Variants in FER observed in about 807,000 individuals in gnomAD.
The protein encoded by FER is FER tyrosine kinase, also known as tyrosine-protein kinase Fer.
Under a neutral mutation model 111.0 loss-of-function variants are expected in FER, and 63 were observed. The ratio of observed to expected loss-of-function variants is 0.57; its 90% confidence interval spans 0.46 to 0.70. The LOEUF is 0.70. Ranked by LOEUF, FER falls within the 30% of genes least tolerant of loss-of-function variation. FER has a pLI of 0.00. For synonymous variants in FER, 327 were observed against 313.9 expected (o/e 1.04, Z -0.44); for missense variants, 914 against 954.0 (o/e 0.96, Z 0.55).
At chr5:109,071,895 G>C (rs1561858180) in intron 16 of FER, among the ~76,000 whole-genome samples, 1 of 151,212 alleles carries the variant, frequency 6.6e-6, no homozygotes, top group Non-Finnish European at 1.5e-5. Flanking sequence ...TGTTTATATA[G>C]TTCTATCGTC....
chr5:108,965,137 G>T (rs925289159), intron 13 of FER, among the ~76,000 whole-genome samples: 3 of 152,104 alleles, frequency 2.0e-5, no homozygotes, highest in African/African-American at 7.2e-5. Context: ...GGTCTATTGA[G>T]AGTGAAGAGC....
At chr5:109,063,646 G>A (rs746454572) in intron 16 of FER, among the ~76,000 whole-genome samples, 2 of 152,072 alleles carry the variant, frequency 1.3e-5, no homozygotes, top group African/African-American at 4.8e-5. Flanking sequence ...AGTAATTCTC[G>A]AATTAATATT....
At chr5:108,771,658 A>C (rs1170521681) in intron 2 of FER, among the ~76,000 whole-genome samples, 1 of 152,224 alleles carries the variant, frequency 6.6e-6, no homozygotes, top group Non-Finnish European at 1.5e-5. Flanking sequence ...TATATAGGAC[A>C]ATGAACACCT....
At chr5:108,753,501 T>G (rs1750728663) in intron 1 of FER, among the ~76,000 whole-genome samples, 1 of 152,208 alleles carries the variant, frequency 6.6e-6, no homozygotes, top group Non-Finnish European at 1.5e-5. Flanking sequence ...TAGATGATCA[T>G]GTGTTTTTGG....
At chr5:108,770,028 A>G (rs1580437145) in intron 2 of FER, among the ~76,000 whole-genome samples, 2 of 152,232 alleles carry the variant, frequency 1.3e-5, no homozygotes, top group Admixed American at 1.3e-4. Context: ...GATTCACCAC[A>G]ACCTCCACCT....
rs188808793 is a variant in FER at position 108,833,797 on chromosome 5, C to T, written c.381+854C>T. ...GCTGAGGCAGGAGAATGGCGTGAAC[C>T]TGGAAGGTGGAGGTTGCAGTGAGCG... On this transcript the variant is annotated intron_variant, in intron 4 of 19. Transcript: ENST00000281092. 4.9e-3 allele frequency among the ~76,000 whole-genome samples: 740 copies of T among 151,618 alleles called. 6 individuals carry two copies. The highest frequency in any genetic ancestry group is 0.014 in the Middle Eastern group (4 of 292).
Position 108,987,366 on chromosome 5 carries a change from A to T in FER, c.1656+28019A>T, listed in dbSNP as rs141938705. 5.9e-3 allele frequency among the ~76,000 whole-genome samples: 894 copies of T among 152,208 alleles called. 5 individuals are homozygous for T. The highest frequency in any genetic ancestry group is 0.021 in the African/African-American group (857 of 41,506). The stretch of plus-strand genomic sequence containing the variant: ...GAGGCTAAGGCAGGAGAATCGCTTG[A>T]ACCTGGGAGGTGGAGGTTGCAGTGA... On this transcript the variant is annotated intron_variant, in intron 13 of 19. Coordinates refer to ENST00000281092, the MANE Select transcript of FER (RefSeq NM_005246.4).
chr5:109,015,148 G>A (rs1581659065), intron 13 of FER, among the ~76,000 whole-genome samples: 2 of 152,070 alleles, frequency 1.3e-5, no homozygotes, highest in African/African-American at 4.8e-5. Flanking sequence ...GATTTGATAA[G>A]CCCCTTGTTT....
intron 3 of FER, among the ~76,000 whole-genome samples, chr5:108,809,111 T>C (rs749332041): frequency 5.3e-5 from 8 of 152,172 alleles, no homozygotes; most frequent in Admixed American, 3.3e-4. Context: ...GTTACCTGGA[T>C]TTTTTTGTAT....
intron 17 of FER, among the ~76,000 whole-genome samples, chr5:109,105,484 A>G (rs2150076362): frequency 6.6e-6 from 1 of 152,274 alleles, no homozygotes; most frequent in South Asian, 2.1e-4. Context: ...TAAAATAAAG[A>G]CAAAATAAAT....
intron 17 of FER, among the ~76,000 whole-genome samples, chr5:109,160,594 A>G (rs1449117203): frequency 6.6e-6 from 1 of 152,150 alleles, no homozygotes; most frequent in Non-Finnish European, 1.5e-5. Context: ...TCCTGGTTCA[A>G]GTAACCTCCT....
rs1001602549 is a variant in FER at position 108,986,238 on chromosome 5, G to T, written c.1656+26891G>T. Among the ~76,000 whole-genome samples the T allele has an allele frequency of 3.8e-4, 57 of 149,778 alleles. 1 individual carries two copies. Among genetic ancestry groups the T allele is most frequent in the African/African-American group, 1.4e-3 (57 of 41,024 alleles). ...TTTGTTGGCTAATTGTATATCTTCT[G>T]TTGAGAATTGTCTATTCATGTCGTT... is the stretch of plus-strand genomic sequence containing the variant. On this transcript the variant is annotated intron_variant, in intron 13 of 19. Transcript: ENST00000281092.
At chr5:108,956,055 C>G (rs149841397) in intron 12 of FER, among the ~76,000 whole-genome samples, 1 of 151,640 alleles carries the variant, frequency 6.6e-6, no homozygotes, top group Admixed American at 6.6e-5. Flanking sequence ...AATGTTCACA[C>G]TATTCGTTAA....
intron 10 of FER, among the ~76,000 whole-genome samples, chr5:108,921,018 T>A (rs540084305): frequency 2.6e-5 from 4 of 152,236 alleles, no homozygotes; most frequent in African/African-American, 9.6e-5. Context: ...CATCTCTTTT[T>A]AATACTTATT....
intron 16 of FER, among the ~76,000 whole-genome samples, chr5:109,072,395 C>T (rs1022113579): frequency 6.6e-6 from 1 of 150,840 alleles, no homozygotes; most frequent in Non-Finnish European, 1.5e-5. Context: ...GCAACAACCG[C>T]GATTACTTCT....
intron 17 of FER, among the ~76,000 whole-genome samples, chr5:109,155,607 G>A (rs1755282207): frequency 2.0e-5 from 3 of 152,074 alleles, no homozygotes; most frequent in Admixed American, 2.0e-4. Flanking sequence ...ATGGAGAATA[G>A]AAAGGGAACT....
At chr5:109,049,276 A>C (rs1198032664) in intron 16 of FER, among the ~76,000 whole-genome samples, 1 of 152,212 alleles carries the variant, frequency 6.6e-6, no homozygotes, top group Non-Finnish European at 1.5e-5. Flanking sequence ...AGGGTCTCAC[A>C]AAGCCAAAAT....
chr5:109,177,172 TC>T (rs1757791022), intron 17 of FER, among the ~76,000 whole-genome samples: 1 of 152,144 alleles, frequency 6.6e-6, no homozygotes, highest in Admixed American at 6.5e-5. Context: ...TACTGTAATG[TC>T]CCCCAAATAT....
intron 17 of FER, chr5:109,177,489 C>G (rs1757832260): frequency 6.6e-6 from 1 of 151,924 alleles, no homozygotes; most frequent in Non-Finnish European, 1.5e-5. Flanking sequence ...AACTCTGGCT[C>G]AGCCTCATGG....
Sources: allele counts gnomAD v4.1 joint callset (sites outside exome capture counted in the v4.1 genomes callset), GRCh38; gene constraint gnomAD v4.1.1; transcripts MANE v1.5; gene names NCBI Gene and HGNC (gene_info 2026-07-23, HGNC 2026-07-21).